The following DAAM2 variants were observed in gnomAD, a reference collection of about 807,000 sequenced individuals.
The protein encoded by DAAM2 is disheveled-associated activator of morphogenesis 2.
DAAM2 carries 39 observed loss-of-function variants against 120.7 expected under a neutral mutation model. The ratio of observed to expected loss-of-function variants is 0.32; its 90% CI spans 0.25 to 0.42. DAAM2 has a LOEUF of 0.42. Among genes scored for constraint, DAAM2 ranks in the 10% least tolerant of loss-of-function variants. The pLI is 1.00. For missense variants in DAAM2, 1,283 were observed against 1,401.7 expected (o/e 0.92, Z 1.35); for synonymous variants, 488 against 524.9 (o/e 0.93, Z 0.96).
chr6:39,803,476 A>C (rs1196000889), intron 1 of DAAM2, among the ~76,000 whole-genome samples: 1 of 152,194 alleles, frequency 6.6e-6, no homozygotes, highest in Non-Finnish European at 1.5e-5. Flanking sequence ...ATTTTCGCTT[A>C]CACTGTTTCA....
At chr6:39,890,719 G>T (rs2149356353) in intron 17 of DAAM2, among the ~76,000 whole-genome samples, 1 of 152,308 alleles carries the variant, frequency 6.6e-6, no homozygotes, top group African/African-American at 2.4e-5. Flanking sequence ...TAAAATGGGT[G>T]CATTTTATTT....
intron 7 of DAAM2, 62 bp from the exon 8 acceptor site, chr6:39,870,278 C>A (rs913707674): frequency 7.2e-5 from 75 of 1,040,554 alleles, no homozygotes; most frequent in Non-Finnish European, 1.1e-4. Context: ...GAGGGCTCCA[C>A]TGGGGATGTT....
rs1293827560 is a variant in DAAM2 at position 39,903,484 on chromosome 6, A to C, written c.*1447A>C. 6.6e-6 allele frequency: 1 copy of C among 152,196 alleles called. No homozygotes were observed. Among genetic ancestry groups the C allele is most frequent in the Non-Finnish European group, 1.5e-5 (1 of 68,066 alleles). 9.4% of individuals were successfully genotyped at this position (152,196 alleles called of 1,614,324 possible). On this transcript the variant is annotated 3_prime_UTR_variant, in exon 25 of 25. Coordinates refer to ENST00000274867, the MANE Select transcript of DAAM2 (RefSeq NM_001201427.2). ...TGGATGGGATGGCTGTATCTAGACA[A>C]AATTTTTCTAAAACTCCATCAAGGC...
At chr6:39,898,709 G>A (rs1173792871) in intron 21 of DAAM2, among the ~76,000 whole-genome samples, 168 bp from the exon 22 acceptor site, 1 of 152,184 alleles carries the variant, frequency 6.6e-6, no homozygotes, top group Non-Finnish European at 1.5e-5. Flanking sequence ...AGGCATGAAG[G>A]GGAGGTGCTT....
intron 1 of DAAM2, among the ~76,000 whole-genome samples, chr6:39,850,976 C>T (rs1277062205): frequency 6.6e-6 from 1 of 152,132 alleles, no homozygotes; most frequent in Non-Finnish European, 1.5e-5. Flanking sequence ...CTTGTGAGTC[C>T]TAGCTCTATC....
In DAAM2 at chr6:39,856,309, C is replaced by T. The variant is rs548086802; in HGVS notation, c.7C>T (p.Pro3Ser). The change falls in exon 2 of 25, where the codon CCC becomes TCC. Residue 3 changes from proline (P) to serine (S), a missense_variant. Transcript: ENST00000274867. MAPRKRSHHGLGF... is the reference protein window; with the variant it reads MASRKRSHHGLGF... ...CCCCTGGCCTGCAGTGACCATGGCC[C>T]CCCGCAAGAGGAGCCACCATGGCCT... is the stretch of plus-strand genomic sequence containing the variant. The T allele has an allele frequency of 5.2e-4, 802 of 1,532,524 alleles. 16 individuals are homozygous for T. The South Asian group carries it at 9.6e-3, about 18-fold the overall frequency. 94.9% of individuals were successfully genotyped at this position (1,532,524 alleles called of 1,614,324 possible).
At chr6:39,825,613 GGATAA>G (rs1762645788) in intron 1 of DAAM2, among the ~76,000 whole-genome samples, 1 of 152,046 alleles carries the variant, frequency 6.6e-6, no homozygotes, top group South Asian at 2.1e-4. Context: ...ATCGTACCAG[GGATAA>G]GATATGTCCT....
chr6:39,857,625 A>G (rs1019242791), intron 2 of DAAM2, among the ~76,000 whole-genome samples: 8 of 152,200 alleles, frequency 5.3e-5, no homozygotes, highest in African/African-American at 1.9e-4. Flanking sequence ...AAAGAAGGAC[A>G]TGATAGGCAG....
Position 39,878,320 on chromosome 6 carries a change from A to G in DAAM2, c.1360+59A>G, listed in dbSNP as rs1003588912. On this transcript the variant is annotated intron_variant, in intron 12 of 24. Transcript: ENST00000274867. The surrounding 1 kb of genome is among the most constrained non-coding windows in gnomAD (Gnocchi z 5.0). Reference sequence around the variant, plus strand: ...CACATGCCCTTCCCCTGCCCAGCCCATAACTCCATGCCCTTCCAGGCAGGG... The same window carrying G: ...CACATGCCCTTCCCCTGCCCAGCCCGTAACTCCATGCCCTTCCAGGCAGGG... 13 of 1,611,736 alleles carry G rather than the reference A, an allele frequency of 8.1e-6. No homozygotes were observed. The African/African-American group carries it at 1.5e-4, about 18-fold the overall frequency.
intron 1 of DAAM2, among the ~76,000 whole-genome samples, chr6:39,842,998 A>C (rs560345849): frequency 1.9e-4 from 29 of 152,344 alleles, no homozygotes; most frequent in Non-Finnish European, 3.7e-4. Context: ...TGTATGCTTA[A>C]TGTCATGTCA....
chr6:39,828,083 T>A (rs1762742330), intron 1 of DAAM2, among the ~76,000 whole-genome samples: 1 of 152,214 alleles, frequency 6.6e-6, no homozygotes, highest in South Asian at 2.1e-4. Context: ...GAGCACAATG[T>A]TTGAAAACCA....
At chr6:39,898,038 T>A (rs1323928854) in intron 21 of DAAM2, among the ~76,000 whole-genome samples, 2 of 152,190 alleles carry the variant, frequency 1.3e-5, no homozygotes, top group Non-Finnish European at 2.9e-5. Context: ...TCTTAAATCC[T>A]TATTTCAGAG....
chr6:39,849,083 T>C (rs1172889908), intron 1 of DAAM2: 1 of 152,214 alleles, frequency 6.6e-6, no homozygotes, highest in Non-Finnish European at 1.5e-5. Flanking sequence ...TTCTGTGGAC[T>C]AAAAATAATT....
intron 1 of DAAM2, among the ~76,000 whole-genome samples, chr6:39,796,536 G>A (rs1761704572): frequency 6.7e-6 from 1 of 149,390 alleles, no homozygotes; most frequent in Non-Finnish European, 1.5e-5. Flanking sequence ...TGGAACCTGT[G>A]CAGCGTTATG....
chr6:39,886,927 G>A (rs1765411365), intron 15 of DAAM2: 1 of 156,808 alleles, frequency 6.4e-6, no homozygotes, highest in Non-Finnish European at 1.4e-5. Flanking sequence ...GGGACTCAGA[G>A]GAGAGAGTTC....
intron 1 of DAAM2, among the ~76,000 whole-genome samples, chr6:39,828,941 G>T (rs988852545): frequency 1.3e-5 from 2 of 152,200 alleles, no homozygotes; most frequent in African/African-American, 4.8e-5. Flanking sequence ...TATGCATTTT[G>T]GAGGGAACAC....
Position 39,806,852 on chromosome 6 carries a change from A to G in DAAM2, c.-57+14387A>G, listed in dbSNP as rs1582597650. On this transcript the variant is annotated intron_variant, in intron 1 of 24. Coordinates refer to ENST00000274867, the MANE Select transcript of DAAM2 (RefSeq NM_001201427.2). ...CTCATCAGATTGGCAAAAAAAAAAA[A>G]AAAGAAAAGAAAAAATCATGCTCAT... 3.0e-5 allele frequency among the ~76,000 whole-genome samples: 4 copies of G among 134,588 alleles called. No homozygotes were observed. The South Asian group carries it at 1.1e-3, about 37-fold the overall frequency. 88.3% of individuals were successfully genotyped at this position (134,588 alleles called of 152,430 possible).
At chr6:39,843,564 C>G (rs537967751) in intron 1 of DAAM2, among the ~76,000 whole-genome samples, 1 of 152,164 alleles carries the variant, frequency 6.6e-6, no homozygotes, top group African/African-American at 2.4e-5. Context: ...GCATGATTTG[C>G]GGGCCCAGCA....
intron 14 of DAAM2, among the ~76,000 whole-genome samples, chr6:39,882,893 CT>C (rs1409961669): frequency 2.0e-5 from 3 of 152,108 alleles, no homozygotes; most frequent in African/African-American, 7.2e-5. Context: ...TCCCCACCCC[CT>C]GACTCTGGCC....
Sources: gnomAD v4.1 joint callset for allele counts (sites outside exome capture counted in the v4.1 genomes callset) on GRCh38, gnomAD v4.1.1 for gene constraint, Gnocchi (gnomAD v3.1) non-coding constraint, MANE v1.5 for transcripts, NCBI Gene and HGNC (gene_info 2026-07-23, HGNC 2026-07-21) for gene names.